The following NALF1 variants were observed in gnomAD, a reference collection of about 807,000 sequenced individuals.
The protein encoded by NALF1 is NALCN channel auxiliary factor 1.
A neutral mutation model predicts 48.4 loss-of-function variants in NALF1; 3 were observed. The observed-to-expected ratio is 0.06, with a 90% CI of 0.03 to 0.16. The LOEUF is 0.16. Ranked by LOEUF, NALF1 falls within the 10% of genes least tolerant of loss-of-function variation. The pLI is 1.00. For synonymous variants in NALF1, 262 were observed against 245.7 expected, an observed-to-expected ratio of 1.07 and a Z score of -0.62; for missense variants, 526 against 571.5, an observed-to-expected ratio of 0.92 and a Z score of 0.81.
intron 1 of NALF1, among the ~76,000 whole-genome samples, chr13:107,284,885 T>G (rs1006252893): frequency 5.4e-5 from 8 of 147,284 alleles, no homozygotes; most frequent in Admixed American, 3.5e-4. Context: ...AGTTCATTTC[T>G]ATTGTTTGAG....
At chr13:107,397,049 G>T (rs1436951852) in intron 1 of NALF1, among the ~76,000 whole-genome samples, 1 of 152,160 alleles carries the variant, frequency 6.6e-6, no homozygotes, top group Non-Finnish European at 1.5e-5. Context: ...TTGGTGGAAG[G>T]TCTAACACCT....
intron 1 of NALF1, among the ~76,000 whole-genome samples, chr13:107,280,811 A>G (rs2138872432): frequency 6.6e-6 from 1 of 152,308 alleles, no homozygotes; most frequent in Admixed American, 6.5e-5. Context: ...GAACACTATG[A>G]GATTATACAC....
intron 1 of NALF1, among the ~76,000 whole-genome samples, chr13:107,524,692 T>G (rs1320447): frequency 5.9e-5 from 9 of 151,976 alleles, no homozygotes; most frequent in African/African-American, 2.2e-4. Flanking sequence ...GGTACAGAGA[T>G]AGTAACTCAA....
rs550322376 is a variant in NALF1 at position 107,809,462 on chromosome 13, T to C, written c.915+56220A>G. 2.0e-5 allele frequency among the ~76,000 whole-genome samples: 3 copies of C among 152,228 alleles called. No individual in the cohort carries two copies. The South Asian group carries it at 6.2e-4, about 32-fold the overall frequency. On this transcript the variant is annotated intron_variant, in intron 1 of 2. Transcript: ENST00000375915. ...AAGGCATTTGCCACTTCACTTACAC[T>C]ATATGTACCATAATTCAGCAAAATT... is the stretch of plus-strand genomic sequence containing the variant.
intron 1 of NALF1, among the ~76,000 whole-genome samples, chr13:107,273,242 T>C (rs772032834): frequency 1.3e-5 from 2 of 152,182 alleles, no homozygotes; most frequent in Non-Finnish European, 2.9e-5. Context: ...TCCATACCAA[T>C]AGGTCATAAT....
At chr13:107,726,668 G>A (rs1876159865) in intron 1 of NALF1, among the ~76,000 whole-genome samples, 1 of 149,376 alleles carries the variant, frequency 6.7e-6, no homozygotes, top group African/African-American at 2.5e-5. Context: ...AGAGTGCAGT[G>A]GCGCTATCTC....
At chr13:107,498,081 T>A (rs57255827) in intron 1 of NALF1, among the ~76,000 whole-genome samples, 3,076 of 152,260 alleles carry the variant, frequency 0.02, 100 homozygotes, top group African/African-American at 0.069. Context: ...TTAGACTAGA[T>A]GAAATATTGA....
intron 1 of NALF1, among the ~76,000 whole-genome samples, chr13:107,765,846 A>G (rs1017829502): frequency 6.6e-6 from 1 of 152,212 alleles, no homozygotes; most frequent in Non-Finnish European, 1.5e-5. Context: ...TAAAGTATTT[A>G]GAAAACGCCT....
At chr13:107,422,193 C>G (rs551994587) in intron 1 of NALF1, among the ~76,000 whole-genome samples, 2 of 152,176 alleles carry the variant, frequency 1.3e-5, no homozygotes, top group Admixed American at 6.5e-5. Context: ...GGCATCGTAG[C>G]AAAAAGTGAA....
At chr13:107,519,934 T>A (rs1876182336) in intron 1 of NALF1, among the ~76,000 whole-genome samples, 1 of 152,200 alleles carries the variant, frequency 6.6e-6, no homozygotes, top group African/African-American at 2.4e-5. Context: ...AGTGCTCTGG[T>A]TAAAGTTGCC....
chr13:107,208,932 A>G (rs1352945933), intron 2 of NALF1, among the ~76,000 whole-genome samples: 2 of 152,106 alleles, frequency 1.3e-5, no homozygotes, highest in African/African-American at 2.4e-5. Flanking sequence ...AAATGACTTG[A>G]GCATCAAGTC....
intron 1 of NALF1, among the ~76,000 whole-genome samples, chr13:107,441,454 G>A (rs866220098): frequency 1.3e-5 from 2 of 152,168 alleles, no homozygotes; most frequent in African/African-American, 4.8e-5. Flanking sequence ...AGTCTGCTGT[G>A]AGTAATACCG....
At chr13:107,773,724 T>G (rs1306927192) in intron 1 of NALF1, among the ~76,000 whole-genome samples, 1 of 19,426 alleles carries the variant, frequency 5.1e-5, no homozygotes. Context: ...CACCAGGGAC[T>G]GTTGTGGGGT....
At chr13:107,667,173 C>T (rs1158897203) in intron 1 of NALF1, among the ~76,000 whole-genome samples, 6 of 151,826 alleles carry the variant, frequency 4.0e-5, no homozygotes, top group Non-Finnish European at 8.8e-5. Flanking sequence ...AAACAGATAC[C>T]CAACAATTTA....
chr13:107,477,698 TA>T (rs892758987), intron 1 of NALF1, among the ~76,000 whole-genome samples: 1 of 152,236 alleles, frequency 6.6e-6, no homozygotes, highest in Admixed American at 6.5e-5. Flanking sequence ...CTCTTTTTTT[TA>T]AAATAATTTT....
chr13:107,433,295 T>C (rs1884412806), intron 1 of NALF1, among the ~76,000 whole-genome samples: 1 of 152,182 alleles, frequency 6.6e-6, no homozygotes, highest in South Asian at 2.1e-4. Context: ...TTGCCATACA[T>C]CAATGACTAA....
chr13:107,864,419 G>A (rs2138652724), intron 1 of NALF1, among the ~76,000 whole-genome samples: 1 of 152,298 alleles, frequency 6.6e-6, no homozygotes, highest in African/African-American at 2.4e-5. Flanking sequence ...CCTTAGTCCA[G>A]TTCTTTTATC....
At chr13:107,644,646 C>CATACATATATATATATATATATATAT (rs777789521) in intron 1 of NALF1, among the ~76,000 whole-genome samples, 1 of 108,246 alleles carries the variant, frequency 9.2e-6, no homozygotes, top group Non-Finnish European at 1.8e-5. Flanking sequence ...TACATACATA[C>CATACATATATATATATATATATATAT]ATATATATAT....
At chr13:107,338,897 C>A (rs1400242978) in intron 1 of NALF1, among the ~76,000 whole-genome samples, 5 of 152,010 alleles carry the variant, frequency 3.3e-5, no homozygotes, top group Non-Finnish European at 5.9e-5. Context: ...CTTTGGGAGG[C>A]TGAGGTGGGC....
Sources: gnomAD v4.1 joint callset for allele counts (sites outside exome capture counted in the v4.1 genomes callset) on GRCh38, gnomAD v4.1.1 for gene constraint, MANE v1.5 for transcripts, NCBI Gene and HGNC (gene_info 2026-07-23, HGNC 2026-07-21) for gene names.